The following RBPMS variants were observed in gnomAD, a reference collection of about 807,000 sequenced individuals.
RBPMS encodes RNA-binding protein with multiple splicing.
In RBPMS, 7 loss-of-function variants were observed where a neutral mutation model predicts 26.8. The observed-to-expected ratio is 0.26, with a 90% confidence interval of 0.15 to 0.49. The LOEUF is 0.49. Among genes scored for constraint, RBPMS ranks in the 20% least tolerant of loss-of-function variants. RBPMS has a pLI of 0.98. For missense variants in RBPMS, 186 were observed against 250.0 expected (o/e 0.74, Z 1.73); for synonymous variants, 96 against 93.3 (o/e 1.03, Z -0.17).
At chr8:30,537,648 A>G (rs1485658759) in intron 5 of RBPMS, 3 of 456,096 alleles carry the variant, frequency 6.6e-6, no homozygotes, top group Non-Finnish European at 1.3e-5. Context: ...CATGATCTTG[A>G]TTGATTCACA....
intron 1 of RBPMS, among the ~76,000 whole-genome samples, chr8:30,424,542 C>T (rs12679564): frequency 0.16 from 23,722 of 152,152 alleles, 4,516 homozygotes; most frequent in African/African-American, 0.45. Flanking sequence ...ATACTGGATT[C>T]ATAACTAGGT....
At chr8:30,506,625 C>G (rs1821096353) in intron 5 of RBPMS, among the ~76,000 whole-genome samples, 2 of 152,118 alleles carry the variant, frequency 1.3e-5, no homozygotes, top group African/African-American at 4.8e-5. Context: ...AATTGGTACT[C>G]AAGGTGGTCA....
intron 1 of RBPMS, among the ~76,000 whole-genome samples, chr8:30,440,340 C>G (rs994637119): frequency 6.6e-6 from 1 of 152,146 alleles, no homozygotes; most frequent in Admixed American, 6.5e-5. Context: ...CAACAGCTCG[C>G]TGTCCCCACA....
chr8:30,386,762 ATCTT>A (rs1168254938), intron 1 of RBPMS, among the ~76,000 whole-genome samples: 1 of 152,188 alleles, frequency 6.6e-6, no homozygotes, highest in Non-Finnish European at 1.5e-5. Flanking sequence ...CGCTTCAGAA[ATCTT>A]TCTGTTTCAG....
chr8:30,437,262 G>A (rs770968329), intron 1 of RBPMS, among the ~76,000 whole-genome samples: 9 of 151,796 alleles, frequency 5.9e-5, no homozygotes, highest in Non-Finnish European at 1.0e-4. Context: ...GGGATTATAA[G>A]TCAAAATGTT....
At chr8:30,489,437 T>C (rs1819137816) in intron 4 of RBPMS, among the ~76,000 whole-genome samples, 2 of 152,102 alleles carry the variant, frequency 1.3e-5, no homozygotes, top group African/African-American at 4.8e-5. Flanking sequence ...GACTGGTTTT[T>C]ATTCCTAAAG....
chr8:30,545,392 T>G, intron 6 of RBPMS: 2 of 1,098,456 alleles, frequency 1.8e-6, no homozygotes. Context: ...TAGTAATCAG[T>G]GTAAAGATTC....
In RBPMS at chr8:30,465,120, A is replaced by G. The variant is rs562402452; in HGVS notation, c.67-9659A>G. Among the ~76,000 whole-genome samples the G allele has an allele frequency of 3.3e-5, 5 of 152,340 alleles. No individual in the cohort carries two copies. The South Asian group carries it at 1.0e-3, about 32-fold the overall frequency. On this transcript the variant is annotated intron_variant, in intron 1 of 8. Coordinates refer to ENST00000397323, the MANE Select transcript of RBPMS (RefSeq NM_001008710.3). ...GAACAGGACCAGAGTTAAGGGATGA[A>G]GCATCCTGCCTTTATAAGGAACTTC... is the stretch of plus-strand genomic sequence containing the variant.
chr8:30,415,429 C>T (rs1317994771), intron 1 of RBPMS, among the ~76,000 whole-genome samples: 1 of 152,206 alleles, frequency 6.6e-6, no homozygotes, highest in Non-Finnish European at 1.5e-5. Flanking sequence ...TACTCTGCCA[C>T]TCTGCTTAAA....
intron 1 of RBPMS, among the ~76,000 whole-genome samples, chr8:30,452,545 C>T (rs918521772): frequency 1.3e-5 from 2 of 152,154 alleles, no homozygotes; most frequent in South Asian, 2.1e-4. Flanking sequence ...TACAAGAATT[C>T]TTAAAAATAC....
At chr8:30,490,692 C>T (rs749491036) in intron 4 of RBPMS, among the ~76,000 whole-genome samples, 1 of 152,156 alleles carries the variant, frequency 6.6e-6, no homozygotes, top group East Asian at 1.9e-4. Flanking sequence ...TCTTGAACTC[C>T]TGGACCTCGT....
At chr8:30,425,095 A>G (rs928401133) in intron 1 of RBPMS, among the ~76,000 whole-genome samples, 2 of 152,172 alleles carry the variant, frequency 1.3e-5, no homozygotes, top group Non-Finnish European at 2.9e-5. Flanking sequence ...AGCTGGGTCT[A>G]CAGGCATGCA....
chr8:30,419,485 A>G (rs1039069653), intron 1 of RBPMS, among the ~76,000 whole-genome samples: 7 of 55,156 alleles, frequency 1.3e-4, no homozygotes, highest in Non-Finnish European at 2.5e-4. Context: ...TGTGTGTGTC[A>G]GCATAGGAAA....
Position 30,419,484 on chromosome 8 carries a change from C to G in RBPMS, c.66+34326C>G, listed in dbSNP as rs1025192670. Among the ~76,000 whole-genome samples, 75 of 50,102 alleles carry G rather than the reference C, an allele frequency of 1.5e-3. No individual in the cohort carries two copies. The Middle Eastern group carries it at 0.027, about 18-fold the overall frequency. The allele number at this position is 50,102 out of a possible 152,430, so 32.9% of individuals were successfully genotyped here. ...TGTGTGTGTGTGTGTGTGTGTGTGT[C>G]AGCATAGGAAAGTAGTACAGGTAGA... On this transcript the variant is annotated intron_variant, in intron 1 of 8. Coordinates refer to ENST00000397323, the MANE Select transcript of RBPMS (RefSeq NM_001008710.3).
chr8:30,448,016 C>G (rs1031981919), intron 1 of RBPMS, among the ~76,000 whole-genome samples: 3 of 152,070 alleles, frequency 2.0e-5, no homozygotes, highest in African/African-American at 7.2e-5. Context: ...TTTCAGTGTT[C>G]CTAAATTTCC....
At chr8:30,467,351 TG>T (rs1161710509) in intron 1 of RBPMS, among the ~76,000 whole-genome samples, 1 of 152,226 alleles carries the variant, frequency 6.6e-6, no homozygotes, top group African/African-American at 2.4e-5. Context: ...AGTTAACCAG[TG>T]TGTAAAATTT....
At chr8:30,438,647 C>T (rs1812737559) in intron 1 of RBPMS, among the ~76,000 whole-genome samples, 1 of 152,198 alleles carries the variant, frequency 6.6e-6, no homozygotes, top group South Asian at 2.1e-4. Context: ...TATTATTCTA[C>T]CTTAATAAAT....
intron 1 of RBPMS, among the ~76,000 whole-genome samples, chr8:30,390,210 G>A (rs535051132): frequency 6.6e-6 from 1 of 152,288 alleles, no homozygotes; most frequent in African/African-American, 2.4e-5. Context: ...TTTTTGCTTT[G>A]AGGGTTTCCT....
intron 2 of RBPMS, among the ~76,000 whole-genome samples, chr8:30,476,439 CAG>C (rs1280670325): frequency 1.3e-5 from 2 of 152,136 alleles, no homozygotes; most frequent in African/African-American, 4.8e-5. Context: ...CTAGTTTTTT[CAG>C]AAGAGAGCAC....
Sources: allele counts gnomAD v4.1 joint callset (sites outside exome capture counted in the v4.1 genomes callset), GRCh38; gene constraint gnomAD v4.1.1; transcripts MANE v1.5; gene names NCBI Gene and HGNC (gene_info 2026-07-23, HGNC 2026-07-21).